ATG7: variants seen among roughly 807,000 people sequenced by gnomAD.
The protein encoded by ATG7 is autophagy related 7, also known as ubiquitin-like modifier-activating enzyme ATG7.
ATG7 carries 70 observed loss-of-function variants against 82.4 expected under a neutral mutation model. The ratio of observed to expected loss-of-function variants is 0.85; its 90% confidence interval spans 0.70 to 1.04. The LOEUF (loss-of-function observed/expected upper bound fraction) is 1.04, where lower values mean the gene tolerates loss of function less well. Ranked by LOEUF, ATG7 falls within the 50% of genes least tolerant of loss-of-function variation. ATG7 has a pLI of 0.00. For synonymous variants in ATG7, 287 were observed against 313.0 expected, an observed-to-expected ratio of 0.92 and a Z score of 0.88; for missense variants, 792 against 864.3, an observed-to-expected ratio of 0.92 and a Z score of 1.05.
chr3:11,435,440 A>G (rs1016304995), intron 20 of ATG7, among the ~76,000 whole-genome samples: 5 of 152,226 alleles, frequency 3.3e-5, no homozygotes, highest in African/African-American at 1.2e-4. Context: ...CCCTCAGTAC[A>G]GCTTCCGAAG....
intron 18 of ATG7, among the ~76,000 whole-genome samples, chr3:11,369,297 C>T (rs958663937): frequency 3.3e-5 from 5 of 151,000 alleles, no homozygotes; most frequent in African/African-American, 1.2e-4. Context: ...AAGGAGCCTC[C>T]TTTACCCCTC....
At chr3:11,365,931 A>G (rs777381057) in intron 18 of ATG7, among the ~76,000 whole-genome samples, 22 of 152,098 alleles carry the variant, frequency 1.4e-4, no homozygotes, top group Non-Finnish European at 2.2e-4. Context: ...CCATAATAGA[A>G]CTTGTGGGCC....
At chr3:11,469,570 G>C (rs1559689442) in intron 20 of ATG7, among the ~76,000 whole-genome samples, 1 of 152,100 alleles carries the variant, frequency 6.6e-6, no homozygotes, top group Non-Finnish European at 1.5e-5. Context: ...TGATACACTT[G>C]GCCTTTCACC....
At chr3:11,356,493 G>T (rs1035334454) in intron 14 of ATG7, among the ~76,000 whole-genome samples, 2 of 152,310 alleles carry the variant, frequency 1.3e-5, no homozygotes, top group South Asian at 2.1e-4. Flanking sequence ...AGCCTCTTGG[G>T]TGTGGACATA....
At chr3:11,313,551 A>G in intron 8 of ATG7, 131 bp downstream of exon 8, 1 of 576,266 alleles carries the variant, frequency 1.7e-6, no homozygotes, top group African/African-American at 1.9e-5. Context: ...CAAAGGTGGT[A>G]CTAGGAGCAG....
chr3:11,398,270 A>G (rs1452570419), intron 19 of ATG7, among the ~76,000 whole-genome samples: 1 of 152,156 alleles, frequency 6.6e-6, no homozygotes, highest in South Asian at 2.1e-4. Flanking sequence ...AAAGAAATAC[A>G]TATTCTTTTC....
chr3:11,331,643 T>G (rs916758920), intron 10 of ATG7, among the ~76,000 whole-genome samples: 6 of 152,216 alleles, frequency 3.9e-5, no homozygotes, highest in African/African-American at 1.4e-4. Flanking sequence ...CTGATCATTC[T>G]GTGCTAAAGA....
chr3:11,459,384 A>G (rs2086084876), intron 20 of ATG7, among the ~76,000 whole-genome samples: 1 of 152,124 alleles, frequency 6.6e-6, no homozygotes, highest in Non-Finnish European at 1.5e-5. Context: ...ATGTTTTTAT[A>G]TTTATGTACA....
chr3:11,385,521 A>G (rs775690386), intron 19 of ATG7, among the ~76,000 whole-genome samples: 10 of 152,366 alleles, frequency 6.6e-5, no homozygotes, highest in Non-Finnish European at 1.5e-4. Flanking sequence ...AGATGATTAC[A>G]ATAGCCACTG....
Position 11,362,822 on chromosome 3 carries a change from G to T in ATG7, c.1693G>T (p.Asp565Tyr). The change falls in exon 17 of 21, where the codon GAC (aspartate) becomes TAC (tyrosine). Residue 565 changes from aspartate (D) to tyrosine (Y), a missense_variant. Transcript: ENST00000693202. ...DVVAPGDSTRDRTLDQQCTVS... is the reference protein window; with the variant it reads ...DVVAPGDSTRYRTLDQQCTVS... ...GATTGTTTCTTTGCAGTCAACCAGA[G>T]ACCGGACCTTGGACCAGCAGTGCAC... 1 of 1,613,974 alleles carries T rather than the reference G, an allele frequency of 6.2e-7. No homozygotes were observed. The highest frequency in any genetic ancestry group is 1.3e-5 in the African/African-American group (1 of 75,042).
At position 11,411,601 on chromosome 3, in the gene ATG7, A is replaced by G. The variant is rs1184787717; in HGVS notation, c.1957-15203A>G. Among the ~76,000 whole-genome samples the G allele has an allele frequency of 5.2e-5, 7 of 135,470 alleles. No individual in the cohort carries two copies. The Admixed American group carries it at 5.5e-4, about 11-fold the overall frequency. The allele number at this position is 135,470 out of a possible 152,430, so 88.9% of individuals were successfully genotyped here. A position where few individuals can be genotyped will look rare whatever the true frequency, so the allele number is the denominator to read the frequency against. On this transcript the variant is annotated intron_variant, in intron 19 of 20. Transcript: ENST00000693202. Reference sequence around the variant, plus strand: ...CGCCACTGCACTCCAGCCTGGTGACACAGCAAGACTCTGTCTCCAAAAAAA... The same window carrying G: ...CGCCACTGCACTCCAGCCTGGTGACGCAGCAAGACTCTGTCTCCAAAAAAA...
At chr3:11,502,783 G>A (rs2091437087) in intron 20 of ATG7, among the ~76,000 whole-genome samples, 1 of 152,108 alleles carries the variant, frequency 6.6e-6, no homozygotes, top group African/African-American at 2.4e-5. Context: ...CTGAAAGTGT[G>A]AAGTATGGGG....
At chr3:11,397,453 G>T (rs939536302) in intron 19 of ATG7, among the ~76,000 whole-genome samples, 2 of 151,776 alleles carry the variant, frequency 1.3e-5, no homozygotes, top group Non-Finnish European at 2.9e-5. Context: ...AGAACTACCA[G>T]AAATAAATGA....
intron 20 of ATG7, chr3:11,510,283 C>T (rs1399355674): frequency 4.4e-6 from 2 of 456,526 alleles, no homozygotes; most frequent in Non-Finnish European, 4.4e-6. Context: ...TAGATCTCTA[C>T]CAGCTCTCAA....
At chr3:11,470,816 C>T (rs2087415678) in intron 20 of ATG7, among the ~76,000 whole-genome samples, 2 of 152,194 alleles carry the variant, frequency 1.3e-5, no homozygotes, top group South Asian at 4.1e-4. Flanking sequence ...GGAGAGAACA[C>T]TTGGGAGGAG....
intron 20 of ATG7, among the ~76,000 whole-genome samples, chr3:11,533,562 T>G (rs2092732773): frequency 7.7e-6 from 1 of 130,072 alleles, no homozygotes; most frequent in African/African-American, 2.9e-5. Context: ...AAAAAGCCAT[T>G]ACACAAATAC....
Position 11,298,684 on chromosome 3 carries a change from A to T in ATG7, c.-10-2A>T, listed in dbSNP as rs1172351922. On this transcript the variant is annotated splice_acceptor_variant, in intron 3 of 20. Coordinates refer to ENST00000693202, the MANE Select transcript of ATG7 (RefSeq NM_001349232.2). LOFTEE classifies it low-confidence loss of function (5UTR_SPLICE). ...GCTGTGTTCTGTTTTGTTTTTTAAT[A>T]GGCAAGAAATAATGGCGGCAGCTAC... 1 of 1,610,670 alleles carries T rather than the reference A, an allele frequency of 6.2e-7. No homozygotes were observed. The highest frequency in any genetic ancestry group is 2.2e-5 in the East Asian group (1 of 44,818).
chr3:11,451,570 CGTATCACTG>C (rs1410163941), intron 20 of ATG7, among the ~76,000 whole-genome samples: 1 of 152,046 alleles, frequency 6.6e-6, no homozygotes, highest in African/African-American at 2.4e-5. Context: ...TTGGCCCAAG[CGTATCACTG>C]GTATAAAGGG....
At chr3:11,378,414 G>A (rs2077596789) in intron 18 of ATG7, among the ~76,000 whole-genome samples, 1 of 151,242 alleles carries the variant, frequency 6.6e-6, no homozygotes, top group Non-Finnish European at 1.5e-5. Context: ...TGGGCGCGGT[G>A]GCTCACGCCC....
Sources: allele counts gnomAD v4.1 joint callset (sites outside exome capture counted in the v4.1 genomes callset), GRCh38; gene constraint gnomAD v4.1.1; transcripts MANE v1.5; gene names NCBI Gene and HGNC (gene_info 2026-07-23, HGNC 2026-07-21).